Variants in PCDHAC2 observed in about 807,000 individuals in gnomAD.
PCDHAC2 encodes protocadherin alpha-C2.
A neutral mutation model predicts 63.3 loss-of-function variants in PCDHAC2; 24 were observed. That is an observed-to-expected ratio of 0.38 (90% CI 0.27 to 0.53). The LOEUF (loss-of-function observed/expected upper bound fraction) is 0.53, where lower values mean the gene tolerates loss of function less well. Ranked by LOEUF, PCDHAC2 falls within the 20% of genes least tolerant of loss-of-function variation. The pLI is 0.81. For missense variants in PCDHAC2, 1,181 were observed against 1,275.2 expected, an observed-to-expected ratio of 0.93 and a Z score of 1.12; for synonymous variants, 569 against 529.4, an observed-to-expected ratio of 1.07 and a Z score of -1.03.
At chr5:141,009,167 G>A (rs2098401919) in intron 3 of PCDHAC2, among the ~76,000 whole-genome samples, 1 of 152,180 alleles carries the variant, frequency 6.6e-6, no homozygotes, top group African/African-American at 2.4e-5. Flanking sequence ...TGTAAATACT[G>A]GCCTTGGCTG....
At chr5:140,985,729 T>C (rs1314785007) in intron 3 of PCDHAC2, among the ~76,000 whole-genome samples, 2 of 149,858 alleles carry the variant, frequency 1.3e-5, no homozygotes, top group Non-Finnish European at 3.0e-5. Flanking sequence ...TTTCCTTCAC[T>C]GATGAATTCC....
At chr5:140,999,159 G>A (rs1056236953) in intron 3 of PCDHAC2, among the ~76,000 whole-genome samples, 2 of 152,182 alleles carry the variant, frequency 1.3e-5, no homozygotes, top group African/African-American at 2.4e-5. Flanking sequence ...CAGTCCCCTA[G>A]AAGGAAAAGA....
intron 3 of PCDHAC2, among the ~76,000 whole-genome samples, chr5:140,991,888 A>T (rs1374098533): frequency 6.6e-6 from 1 of 152,178 alleles, no homozygotes; most frequent in African/African-American, 2.4e-5. Context: ...TGCCATAACA[A>T]ATTAACACAA....
In PCDHAC2 at chr5:141,010,024, T is replaced by A; in HGVS notation, c.*87T>A. 7.6e-6 allele frequency: 12 copies of A among 1,572,358 alleles called. No individual in the cohort carries two copies. Among genetic ancestry groups the A allele is most frequent in the Non-Finnish European group, 1.0e-5 (12 of 1,163,296 alleles). On this transcript the variant is annotated 3_prime_UTR_variant, in exon 4 of 4. Coordinates refer to ENST00000289269, the MANE Select transcript of PCDHAC2 (RefSeq NM_018899.6). ...GTAGCAATTCCCTGCTCCTTTTTCC[T>A]ATCTACATGAGCCCTCTTAGAGACC...
chr5:140,967,360 G>A lies in PCDHAC2; in HGVS notation c.594G>A (p.Lys198=). Residue 198 remains lysine (K), a synonymous_variant, in exon 1 of 4, where the codon AAG becomes AAA. Coordinates refer to ENST00000289269, the MANE Select transcript of PCDHAC2 (RefSeq NM_018899.6). ...SPSEHFELDL[K]PLQENSKVLE... is the part of the protein sequence containing the mutation. ...GCGAGCACTTCGAGCTGGACCTTAA[G>A]CCCCTGCAGGAGAACAGTAAAGTGC... is the stretch of plus-strand genomic sequence containing the variant. 2 of 1,607,656 alleles carry A rather than the reference G, an allele frequency of 1.2e-6. No homozygotes were observed. Among genetic ancestry groups the A allele is most frequent in the South Asian group, 1.1e-5 (1 of 90,838 alleles).
At position 140,966,564 on chromosome 5, in the gene PCDHAC2, T is replaced by A. The variant is rs1342180377; in HGVS notation, c.-203T>A. The A allele has an allele frequency of 2.0e-6, 1 of 488,548 alleles. No homozygotes were observed. Among genetic ancestry groups the A allele is most frequent in the Non-Finnish European group, 3.4e-6 (1 of 290,652 alleles). 30.3% of individuals were successfully genotyped at this position (488,548 alleles called of 1,614,324 possible). On this transcript the variant is annotated 5_prime_UTR_variant, in exon 1 of 4. Transcript: ENST00000289269. ...TCGGAGGCGAGCGGAGGAGCTGGAA[T>A]ATGGGGAGTCAGCGAGGACGGTGGG...
chr5:140,995,284 G>A (rs1439846116), intron 3 of PCDHAC2, among the ~76,000 whole-genome samples: 2 of 152,112 alleles, frequency 1.3e-5, no homozygotes, highest in African/African-American at 4.8e-5. Flanking sequence ...TACCAAAACA[G>A]CCAGTCGGAT....
chr5:140,971,284 A>G lies in PCDHAC2; in HGVS notation c.2565+1953A>G, dbSNP rs573117700. 1.7e-3 allele frequency among the ~76,000 whole-genome samples: 257 copies of G among 152,334 alleles called. 1 individual carries two copies. The highest frequency in any genetic ancestry group is 3.4e-3 in the Non-Finnish European group (234 of 68,028). ...CTGTCTTACACTGACCTGTATATTAATATGTACTTTGGTACACAAACATTT... is the reference window on the plus strand; with the variant it reads ...CTGTCTTACACTGACCTGTATATTAGTATGTACTTTGGTACACAAACATTT... On this transcript the variant is annotated intron_variant, in intron 1 of 3. Transcript: ENST00000289269.
intron 3 of PCDHAC2, among the ~76,000 whole-genome samples, chr5:140,984,004 A>G (rs1039333145): frequency 6.6e-6 from 1 of 152,196 alleles, no homozygotes; most frequent in Admixed American, 6.5e-5. Context: ...TTAGAGAGCT[A>G]ATATTGCCAG....
intron 3 of PCDHAC2, among the ~76,000 whole-genome samples, chr5:140,998,062 C>T (rs2097795439): frequency 6.6e-6 from 1 of 152,176 alleles, no homozygotes; most frequent in African/African-American, 2.4e-5. Flanking sequence ...TCATCATCAA[C>T]AGACTTAGCC....
At chr5:140,982,191 T>C (rs1431582069) in intron 2 of PCDHAC2, among the ~76,000 whole-genome samples, 2 of 152,266 alleles carry the variant, frequency 1.3e-5, no homozygotes, top group Non-Finnish European at 2.9e-5. Flanking sequence ...ATGGGCTTCC[T>C]GTTAGATTTA....
Position 140,968,679 on chromosome 5 carries a change from A to T in PCDHAC2, c.1913A>T (p.His638Leu). ...SDLDLFKVEL[H>L]TGEIRTTRKM... ...CTGGACCTCTTTAAGGTAGAGCTGC[A>T]CACAGGAGAAATTAGGACTACCAGG... The change falls in exon 1 of 4, where the codon CAC (histidine) becomes CTC (leucine). Residue 638 changes from histidine (H) to leucine (L), a missense_variant. By Grantham distance (99) the His-to-Leu change is moderately conservative (BLOSUM62 -3). Transcript: ENST00000289269. 1 of 1,614,176 alleles carries T rather than the reference A, an allele frequency of 6.2e-7. No individual in the cohort carries two copies. The highest frequency in any genetic ancestry group is 1.1e-5 in the South Asian group (1 of 91,080).
In PCDHAC2 at chr5:141,011,583, A is replaced by G. The variant is rs2098421115; in HGVS notation, c.*1646A>G. On this transcript the variant is annotated 3_prime_UTR_variant, in exon 4 of 4. Transcript: ENST00000289269. ...AGTAAAATTTCTTTCTTAAATCAAG[A>G]TACTGGTGATTCAAGGAATTTTATT... is the stretch of plus-strand genomic sequence containing the variant. 1 of 153,656 alleles carries G rather than the reference A, an allele frequency of 6.5e-6. No individual in the cohort carries two copies. Among genetic ancestry groups the G allele is most frequent in the Admixed American group, 6.6e-5 (1 of 15,258 alleles). The allele number at this position is 153,656 out of a possible 1,614,324, so 9.5% of individuals were successfully genotyped here.
chr5:140,993,943 A>C (rs1055382423), intron 3 of PCDHAC2, among the ~76,000 whole-genome samples: 1 of 152,220 alleles, frequency 6.6e-6, no homozygotes, highest in Admixed American at 6.5e-5. Flanking sequence ...CCCCATTGTT[A>C]AGTGATACAT....
chr5:141,007,174 G>T (rs926344346), intron 3 of PCDHAC2, among the ~76,000 whole-genome samples: 9 of 152,118 alleles, frequency 5.9e-5, no homozygotes, highest in African/African-American at 2.2e-4. Context: ...AGAGAGAAAG[G>T]TCAGGAGAAT....
Position 141,010,240 on chromosome 5 carries a change from G to A in PCDHAC2, c.*303G>A. The A allele has an allele frequency of 6.4e-7, 1 of 1,551,928 alleles. No homozygotes were observed. The highest frequency in any genetic ancestry group is 8.7e-7 in the Non-Finnish European group (1 of 1,147,042). ...GGCTTCCCAGCCCCGCCAGTGAGAGGTTGGACTCTCTGCCCTGTGCTCCGG... is the reference window on the plus strand; with the variant it reads ...GGCTTCCCAGCCCCGCCAGTGAGAGATTGGACTCTCTGCCCTGTGCTCCGG... On this transcript the variant is annotated 3_prime_UTR_variant, in exon 4 of 4. Coordinates refer to ENST00000289269, the MANE Select transcript of PCDHAC2 (RefSeq NM_018899.6).
chr5:140,995,529 C>G (rs1191657600), intron 3 of PCDHAC2, among the ~76,000 whole-genome samples: 1 of 152,078 alleles, frequency 6.6e-6, no homozygotes, highest in East Asian at 1.9e-4. Flanking sequence ...GAAATCAAAC[C>G]TCAAATAAGG....
Position 140,966,862 on chromosome 5 carries a change from G to T in PCDHAC2, c.96G>T (p.Leu32Phe), listed in dbSNP as rs782810195. 1 of 1,562,198 alleles carries T rather than the reference G, an allele frequency of 6.4e-7. No homozygotes were observed. Reference protein sequence around the residue: ...WLLLLPLLLLLLLLLPGPAAS... With the variant: ...WLLLLPLLLLFLLLLPGPAAS... ...TGCTACTGCCTCTCCTGCTGCTGTT[G>T]CTGCTGCTGCTACCTGGCCCTGCGG... The change falls in exon 1 of 4, where the codon TTG becomes TTT. Residue 32 changes from leucine to phenylalanine, a missense_variant. This residue lies in a region of PCDHAC2 where 210 missense variants were observed against 184.9 expected (regional missense o/e 1.14). Coordinates refer to ENST00000289269, the MANE Select transcript of PCDHAC2 (RefSeq NM_018899.6).
In PCDHAC2 at chr5:140,967,145, A is replaced by C; in HGVS notation, c.379A>C (p.Asn127His). The C allele has an allele frequency of 1.2e-6, 2 of 1,610,892 alleles. No homozygotes were observed. The highest frequency in any genetic ancestry group is 8.5e-7 in the Non-Finnish European group (1 of 1,177,704). Residue 127 changes from asparagine (N) to histidine (H), a missense_variant, in exon 1 of 4, where the codon AAC becomes CAC. Asn to His is a moderately conservative substitution (Grantham distance 68). Around this residue, in one of 3 missense-constraint regions of PCDHAC2, gnomAD observed 210 missense variants for 184.9 expected, o/e 1.14. Transcript: ENST00000289269. ...CLLSLEVLAH[N>H]PVAVSAVEVE... ...GCTCAGCTTGGAAGTGCTGGCGCAC[A>C]ACCCCGTGGCGGTGAGCGCCGTTGA... is the stretch of plus-strand genomic sequence containing the variant.
Sources: allele counts gnomAD v4.1 joint callset (sites outside exome capture counted in the v4.1 genomes callset), GRCh38; gene constraint gnomAD v4.1.1; regional missense constraint gnomAD v4.1.1; transcripts MANE v1.5; gene names NCBI Gene and HGNC (gene_info 2026-07-23, HGNC 2026-07-21).